Variants in BICRA observed in about 807,000 individuals in gnomAD.
The protein encoded by BICRA is BRD4-interacting chromatin-remodeling complex-associated protein.
In BICRA, 31 loss-of-function variants were observed where a neutral mutation model predicts 96.9. The ratio of observed to expected loss-of-function variants is 0.32; its 90% CI spans 0.24 to 0.43. The LOEUF (loss-of-function observed/expected upper bound fraction) is 0.43. BICRA is among the 20% of genes least tolerant of loss of function. The pLI, the probability that BICRA is intolerant of heterozygous loss-of-function variation, is 1.00. For synonymous variants in BICRA, 1,350 were observed against 1,071.8 expected (o/e 1.26, Z -5.07); for missense variants, 2,283 against 2,190.3 (o/e 1.04, Z -0.84).
chr19:47,612,879 G>A (rs563899894), intron 1 of BICRA, among the ~76,000 whole-genome samples: 25 of 152,008 alleles, frequency 1.6e-4, no homozygotes, highest in South Asian at 4.2e-4. Flanking sequence ...CCTTATCCCC[G>A]CAGCCACTGT....
At position 47,701,482 on chromosome 19, in the gene BICRA, C is replaced by T. The variant is rs912128722; in HGVS notation, c.3750C>T (p.His1250=). Reference sequence around the variant, plus strand: ...TGCCCACCAAGCTTGTGATCCGGCACGGCGGGGCAGGCGGCTCCCCTTCGG... The same window carrying T: ...TGCCCACCAAGCTTGTGATCCGGCATGGCGGGGCAGGCGGCTCCCCTTCGG... ...PHLPTKLVIR[H]GGAGGSPSVT... Residue 1250 remains histidine, a synonymous_variant, in exon 15 of 15, where the codon CAC becomes CAT. Transcript: ENST00000594866. The surrounding 1 kb of genome is among the most constrained non-coding windows in gnomAD (Gnocchi z 5.4). 8 of 1,551,758 alleles carry T rather than the reference C, an allele frequency of 5.2e-6. No individual in the cohort carries two copies. Among genetic ancestry groups the T allele is most frequent in the Middle Eastern group, 1.7e-4 (1 of 6,012 alleles).
intron 1 of BICRA, among the ~76,000 whole-genome samples, chr19:47,620,667 CA>C (rs10675281): frequency 2.7e-4 from 18 of 67,704 alleles, no homozygotes; most frequent in East Asian, 9.1e-4. Flanking sequence ...GAGACTGTCT[CA>C]AAAAAAAAAA....
chr19:47,653,204 G>T (rs187821545), intron 1 of BICRA, among the ~76,000 whole-genome samples: 17 of 151,816 alleles, frequency 1.1e-4, no homozygotes, highest in Non-Finnish European at 2.4e-4. Flanking sequence ...TTGTATTTTA[G>T]TAGAGATGGG....
At chr19:47,673,892 A>C in intron 4 of BICRA, 130 bp downstream of exon 4, 1 of 802,132 alleles carries the variant, frequency 1.2e-6, no homozygotes, top group Non-Finnish European at 2.2e-6. Context: ...CAGGCACTGG[A>C]GTTACGGCCA....
At chr19:47,632,919 G>A (rs186877793) in intron 1 of BICRA, among the ~76,000 whole-genome samples, 2 of 152,182 alleles carry the variant, frequency 1.3e-5, no homozygotes, top group South Asian at 2.1e-4. Flanking sequence ...TGACAGCAGA[G>A]TCTGCCTCCC....
intron 7 of BICRA, among the ~76,000 whole-genome samples, chr19:47,693,414 A>T (rs1245030875): frequency 6.6e-6 from 1 of 152,218 alleles, no homozygotes; most frequent in Non-Finnish European, 1.5e-5. Context: ...GTAGGCCTGC[A>T]GCCATGGACA....
At position 47,699,310 on chromosome 19, in the gene BICRA, G is replaced by C; in HGVS notation, c.3500G>C (p.Ser1167Thr). The C allele has an allele frequency of 6.4e-7, 1 of 1,553,402 alleles. No homozygotes were observed. ...LLLLEESRRV[S>T]PSAEMVMIDR... is the part of the protein sequence containing the mutation. Reference sequence around the variant, plus strand: ...TCTTTTCCCCCACCCCAGAGGGTGAGCCCCTCAGCGGAGATGGTAATGATC... The same window carrying C: ...TCTTTTCCCCCACCCCAGAGGGTGACCCCCTCAGCGGAGATGGTAATGATC... Residue 1167 changes from serine (S) to threonine (T), a missense_variant, in exon 14 of 15, where the codon AGC becomes ACC. Physicochemically the swap from Ser to Thr is moderately conservative, Grantham distance 58. Coordinates refer to ENST00000594866, the MANE Select transcript of BICRA (RefSeq NM_001394372.1). The surrounding 1 kb of genome is among the most constrained non-coding windows in gnomAD (Gnocchi z 5.0).
rs566768727 is a variant in BICRA, at chr19:47,694,641, C to G, written c.2810C>G (p.Pro937Arg). 2.5e-5 allele frequency: 39 copies of G among 1,578,818 alleles called. No homozygotes were observed. The highest frequency in any genetic ancestry group is 1.2e-4 in the South Asian group (11 of 90,334). ...GTCCCTGAGCCGGCAGCACCCCCCC[C>G]ACCGCCTCCTCGGACCTTCCAGATG... ...HLVPEPAAPP[P>R]PPPRTFQMVT... The change falls in exon 8 of 15, where the codon CCA becomes CGA. Residue 937 changes from proline (P) to arginine (R), a missense_variant. Transcript: ENST00000594866.
chr19:47,626,700 G>A (rs1250234898), intron 1 of BICRA, among the ~76,000 whole-genome samples: 4 of 142,622 alleles, frequency 2.8e-5, no homozygotes, highest in Non-Finnish European at 6.0e-5. Context: ...GAGCTACCAC[G>A]TCCAGCTGCA....
At chr19:47,654,544 C>T (rs943626475) in intron 1 of BICRA, among the ~76,000 whole-genome samples, 2 of 152,178 alleles carry the variant, frequency 1.3e-5, no homozygotes, top group South Asian at 2.1e-4. Context: ...TGCAGTGGCA[C>T]GATCTCAGCT....
intron 1 of BICRA, among the ~76,000 whole-genome samples, chr19:47,642,123 G>C (rs1430203097): frequency 6.6e-6 from 1 of 152,206 alleles, no homozygotes; most frequent in Admixed American, 6.5e-5. Flanking sequence ...TTTTGTATCA[G>C]GCTTCTGTTG....
Position 47,701,364 on chromosome 19 carries a change from C to T in BICRA, c.3632C>T (p.Pro1211Leu), listed in dbSNP as rs774235766. The change falls in exon 15 of 15, where the codon CCC becomes CTC. Residue 1211 changes from proline to leucine, a missense_variant. Pro to Leu is a moderately conservative substitution (Grantham distance 98, BLOSUM62 -3). Coordinates refer to ENST00000594866, the MANE Select transcript of BICRA (RefSeq NM_001394372.1). This position sits in a 1 kb window ranked among gnomAD's most constrained non-coding sequence, Gnocchi z 5.4. ...YVSSSRSLGL[P>L]IAASSEGHRL... is the part of the protein sequence containing the mutation. ...TCTTCCTCCCGCTCGCTCGGCCTCC[C>T]CATCGCAGCCTCTTCCGAGGGTCAT... The T allele has an allele frequency of 2.5e-6, 4 of 1,611,624 alleles. No homozygotes were observed. Among genetic ancestry groups the T allele is most frequent in the East Asian group, 2.2e-5 (1 of 44,818 alleles).
rs1972527840 is a variant in BICRA at position 47,650,666 on chromosome 19, A to C, written c.-107-19777A>C. 3.3e-5 allele frequency among the ~76,000 whole-genome samples: 5 copies of C among 152,282 alleles called. No individual in the cohort carries two copies. In the South Asian group the frequency reaches 1.0e-3, roughly 32 times the overall value. ...TGTGGAGTTCTTGCCCATAGCTGCC[A>C]CTTCAGTATTTCTCCTTCTCTGAGG... On this transcript the variant is annotated intron_variant, in intron 1 of 14. Transcript: ENST00000594866.
intron 1 of BICRA, among the ~76,000 whole-genome samples, chr19:47,613,547 C>T (rs1474762048): frequency 6.6e-6 from 1 of 152,178 alleles, no homozygotes; most frequent in Non-Finnish European, 1.5e-5. Context: ...CAAGAGCAGT[C>T]ACCCGTGCCG....
intron 1 of BICRA, among the ~76,000 whole-genome samples, chr19:47,665,864 A>AGATCT (rs1382091424): frequency 1.3e-5 from 2 of 152,182 alleles, no homozygotes; most frequent in African/African-American, 4.8e-5. Flanking sequence ...CTGAAGCAGG[A>AGATCT]GATCTGTTAA....
At position 47,698,535 on chromosome 19, in the gene BICRA, C is replaced by G; in HGVS notation, c.3249-99C>G. The stretch of plus-strand genomic sequence containing the variant: ...GTATTCCCCTTCCCGCTGTTGTGTT[C>G]AGTTGCGGCCTGGGGCTGAGGGTTC... On this transcript the variant is annotated intron_variant, in intron 11 of 14. Coordinates refer to ENST00000594866, the MANE Select transcript of BICRA (RefSeq NM_001394372.1). This position sits in a 1 kb window ranked among gnomAD's most constrained non-coding sequence, Gnocchi z 4.8. 2.9e-6 allele frequency: 2 copies of G among 692,566 alleles called. No individual in the cohort carries two copies. Among genetic ancestry groups the G allele is most frequent in the East Asian group, 5.0e-5 (2 of 40,372 alleles). The allele number at this position is 692,566 out of a possible 1,614,324, so 42.9% of individuals were successfully genotyped here.
At chr19:47,624,265 G>A (rs1468634201) in intron 1 of BICRA, among the ~76,000 whole-genome samples, 1 of 152,024 alleles carries the variant, frequency 6.6e-6, no homozygotes, top group African/African-American at 2.4e-5. Flanking sequence ...TCACCAAGCT[G>A]GTTCCCGCCT....
chr19:47,702,807 T>C lies in BICRA; in HGVS notation c.*392T>C. The C allele has an allele frequency of 4.3e-6, 1 of 234,614 alleles. No homozygotes were observed. Among genetic ancestry groups the C allele is most frequent in the South Asian group, 6.1e-5 (1 of 16,414 alleles). 14.5% of individuals were successfully genotyped at this position (234,614 alleles called of 1,614,324 possible). A position where few individuals can be genotyped will look rare whatever the true frequency, so the allele number is the denominator to read the frequency against. ...CTTGTCTGTGTGGCTTCTCAGATGG[T>C]GGAGGGTGCTGGGAGCTGGCAGGGT... is the stretch of plus-strand genomic sequence containing the variant. On this transcript the variant is annotated 3_prime_UTR_variant, in exon 15 of 15. Coordinates refer to ENST00000594866, the MANE Select transcript of BICRA (RefSeq NM_001394372.1).
intron 1 of BICRA, among the ~76,000 whole-genome samples, chr19:47,648,587 G>T (rs1568557057): frequency 6.6e-6 from 1 of 151,770 alleles, no homozygotes; most frequent in East Asian, 2.0e-4. Flanking sequence ...AAAAGGAAGG[G>T]CATGGCTGGG....
Sources: gnomAD v4.1 joint callset for allele counts (sites outside exome capture counted in the v4.1 genomes callset) on GRCh38, gnomAD v4.1.1 for gene constraint, Gnocchi (gnomAD v3.1) non-coding constraint, MANE v1.5 for transcripts, NCBI Gene and HGNC (gene_info 2026-07-23, HGNC 2026-07-21) for gene names.